Variants in CRADD observed in about 807,000 individuals in gnomAD.
CRADD encodes the protein death domain-containing protein CRADD.
CRADD carries 9 observed loss-of-function variants against 15.5 expected under a neutral mutation model. The observed-to-expected ratio is 0.58, with a 90% CI of 0.35 to 1.01. CRADD has a LOEUF of 1.01. CRADD is among the 50% of genes least tolerant of loss of function. The pLI is 0.02. For missense variants in CRADD, 227 were observed against 250.3 expected, an observed-to-expected ratio of 0.91 and a Z score of 0.63; for synonymous variants, 118 against 107.6, an observed-to-expected ratio of 1.10 and a Z score of -0.60.
At chr12:93,858,127 T>A (rs1034028186) in intron 2 of CRADD, among the ~76,000 whole-genome samples, 9 of 152,184 alleles carry the variant, frequency 5.9e-5, no homozygotes, top group African/African-American at 1.9e-4. Flanking sequence ...TATTGTCAGC[T>A]GCTGATTTCC....
chr12:93,883,707 C>A (rs962091700), intron 2 of CRADD, among the ~76,000 whole-genome samples: 1 of 152,088 alleles, frequency 6.6e-6, no homozygotes, highest in Non-Finnish European at 1.5e-5. Context: ...GTGGCACATG[C>A]CTGTAGTCCT....
rs187184765 is a variant in CRADD, at chr12:93,769,225, G to A, written c.299-80745G>A. On this transcript the variant is annotated intron_variant, in intron 2 of 2. Transcript: ENST00000332896. ...GCCGCCTGAGTAGCTGGGACTACAG[G>A]TATGCGTCACCATGCCTGGCTATTA... 2.9e-3 allele frequency among the ~76,000 whole-genome samples: 443 copies of A among 152,158 alleles called. 3 individuals are homozygous for A. The highest frequency in any genetic ancestry group is 0.01 in the African/African-American group (430 of 41,498).
chr12:93,861,907 A>G (rs1409316680), intron 2 of CRADD, among the ~76,000 whole-genome samples: 2 of 152,112 alleles, frequency 1.3e-5, no homozygotes, highest in African/African-American at 4.8e-5. Flanking sequence ...AATAATCCCC[A>G]GGTGTCGAGG....
intron 2 of CRADD, among the ~76,000 whole-genome samples, chr12:93,864,731 A>G (rs1190615365): frequency 6.6e-6 from 1 of 152,220 alleles, no homozygotes; most frequent in Non-Finnish European, 1.5e-5. Flanking sequence ...AAGGAAACAC[A>G]AAAACGTATG....
At chr12:93,688,015 A>T (rs561885384) in intron 2 of CRADD, among the ~76,000 whole-genome samples, 3 of 152,338 alleles carry the variant, frequency 2.0e-5, no homozygotes, top group African/African-American at 7.2e-5. Context: ...TCTGTAGATC[A>T]GGTTATGTCC....
chr12:93,741,841 T>TC (rs1025031271), intron 2 of CRADD, among the ~76,000 whole-genome samples: 1 of 152,122 alleles, frequency 6.6e-6, no homozygotes, highest in Non-Finnish European at 1.5e-5. Context: ...AGACATTTTC[T>TC]CCCCTGTAAA....
At chr12:93,794,767 G>A (rs1376123952) in intron 2 of CRADD, among the ~76,000 whole-genome samples, 5 of 152,156 alleles carry the variant, frequency 3.3e-5, no homozygotes, top group East Asian at 1.9e-4. Context: ...AAGGAAAGCC[G>A]AACTCCTTTG....
At chr12:93,750,887 A>T (rs1956821275) in intron 2 of CRADD, among the ~76,000 whole-genome samples, 1 of 152,224 alleles carries the variant, frequency 6.6e-6, no homozygotes, top group African/African-American at 2.4e-5. Flanking sequence ...AGAGGTAAAC[A>T]TTTTACTTAC....
intron 2 of CRADD, among the ~76,000 whole-genome samples, chr12:93,767,269 A>G (rs978229435): frequency 3.9e-5 from 6 of 152,116 alleles, no homozygotes; most frequent in Admixed American, 3.9e-4. Flanking sequence ...GTTCATTTCT[A>G]TTCTTCACTT....
At chr12:93,878,467 T>C (rs7969712) in intron 2 of CRADD, among the ~76,000 whole-genome samples, 59,070 of 151,930 alleles carry the variant, frequency 0.39, 12,076 homozygotes, top group Middle Eastern at 0.5. Context: ...AGGGGTGATG[T>C]CAGCACTCCC....
rs564521339 is a variant in CRADD at position 93,872,505 on chromosome 12, C to T, written c.299-21545C>T. On this transcript the variant is annotated intron_variant, in intron 2 of 2. Transcript: ENST00000548483. ...AGGCCAATGTTCTGGAGATTTTCGC[C>T]AATGTTTTCTTGTAGTAGAAAACAT... Among the ~76,000 whole-genome samples the T allele has an allele frequency of 2.0e-5, 3 of 152,208 alleles. No individual in the cohort carries two copies. The South Asian group carries it at 6.2e-4, about 32-fold the overall frequency.
intron 2 of CRADD, among the ~76,000 whole-genome samples, chr12:93,746,328 T>A (rs1956749893): frequency 6.6e-6 from 1 of 152,176 alleles, no homozygotes; most frequent in African/African-American, 2.4e-5. Context: ...ATGAACAGTA[T>A]GACAGAATGG....
At chr12:93,863,597 TGTGTGTGTGTG>T (rs1275273450) in intron 2 of CRADD, among the ~76,000 whole-genome samples, 7 of 8,820 alleles carry the variant, frequency 7.9e-4, no homozygotes, top group Admixed American at 1.2e-3. Flanking sequence ...TGGAGGCATT[TGTGTGTGTGTG>T]TGTGTGTGTG....
chr12:93,719,188 G>A (rs907633238), intron 2 of CRADD, among the ~76,000 whole-genome samples: 2 of 152,080 alleles, frequency 1.3e-5, no homozygotes, highest in African/African-American at 4.8e-5. Flanking sequence ...GGTGAGTTTT[G>A]TCAAATGATA....
intron 2 of CRADD, among the ~76,000 whole-genome samples, chr12:93,750,734 T>C (rs1176732844): frequency 6.6e-6 from 1 of 152,220 alleles, no homozygotes; most frequent in Non-Finnish European, 1.5e-5. Flanking sequence ...ATTTTGAAAA[T>C]TATATTTTGA....
chr12:93,770,388 C>T (rs1957074299), intron 2 of CRADD, among the ~76,000 whole-genome samples: 1 of 152,116 alleles, frequency 6.6e-6, no homozygotes, highest in African/African-American at 2.4e-5. Flanking sequence ...TGAGCCACCG[C>T]GCCCGGCCCC....
At chr12:93,888,537 T>G (rs17021678) in intron 2 of CRADD, among the ~76,000 whole-genome samples, 12,808 of 152,026 alleles carry the variant, frequency 0.084, 627 homozygotes, top group African/African-American at 0.11. Flanking sequence ...GGTTTAAGCA[T>G]GAGGATAAGA....
At chr12:93,808,520 A>G (rs1188081180) in intron 2 of CRADD, among the ~76,000 whole-genome samples, 1 of 152,140 alleles carries the variant, frequency 6.6e-6, no homozygotes, top group Non-Finnish European at 1.5e-5. Flanking sequence ...ACACCACATC[A>G]GTTCTCATTT....
chr12:93,859,893 AT>A (rs11295660), intron 2 of CRADD, among the ~76,000 whole-genome samples: 80,987 of 146,714 alleles, frequency 0.55, 22,911 homozygotes, highest in African/African-American at 0.67. Context: ...CGACCAGCTA[AT>A]TTTTTTTTTT....
Sources: allele counts gnomAD v4.1 joint callset (sites outside exome capture counted in the v4.1 genomes callset), GRCh38; gene constraint gnomAD v4.1.1; transcripts MANE v1.5; gene names NCBI Gene and HGNC (gene_info 2026-07-23, HGNC 2026-07-21).